The following RBFOX1 variants were observed in gnomAD, a reference collection of about 807,000 sequenced individuals.
RBFOX1 encodes RNA binding protein fox-1 homolog 1.
Under a neutral mutation model 57.7 loss-of-function variants are expected in RBFOX1, and 8 were observed. That is an observed-to-expected ratio of 0.14 (90% confidence interval 0.08 to 0.25). RBFOX1 has a LOEUF of 0.25. Among genes scored for constraint, RBFOX1 ranks in the 10% least tolerant of loss-of-function variants. The pLI, the probability that RBFOX1 is intolerant of heterozygous loss-of-function variation, is 1.00. For synonymous variants in RBFOX1, 326 were observed against 222.4 expected (o/e 1.47, Z -4.15); for missense variants, 611 against 548.5 (o/e 1.11, Z -1.14).
chr16:6,509,284 A>G (rs2096196080), intron 2 of RBFOX1, among the ~76,000 whole-genome samples: 1 of 152,170 alleles, frequency 6.6e-6, no homozygotes. Context: ...TATTCTGGTT[A>G]TTAATCCCTT....
intron 2 of RBFOX1, among the ~76,000 whole-genome samples, chr16:6,652,262 A>T (rs1215850477): frequency 6.6e-6 from 1 of 152,162 alleles, no homozygotes; most frequent in Non-Finnish European, 1.5e-5. Context: ...CATCCTGGCC[A>T]ATATGGTGAA....
chr16:7,536,190 C>T (rs1261670118), intron 5 of RBFOX1, among the ~76,000 whole-genome samples: 2 of 152,172 alleles, frequency 1.3e-5, no homozygotes. Context: ...ATTACATTTG[C>T]AAAAACTTCT....
intron 2 of RBFOX1, among the ~76,000 whole-genome samples, chr16:6,420,151 G>A (rs1393189905): frequency 2.0e-5 from 3 of 152,106 alleles, no homozygotes; most frequent in African/African-American, 7.2e-5. Context: ...TGTCTTGCCT[G>A]CTTCAACTCT....
chr16:7,311,174 T>C (rs1381534604), intron 4 of RBFOX1, among the ~76,000 whole-genome samples: 4 of 152,182 alleles, frequency 2.6e-5, no homozygotes, highest in African/African-American at 9.7e-5. Context: ...TTTGAGATGA[T>C]GGAGCTGGGA....
At chr16:7,561,312 T>C (rs1369576801) in intron 5 of RBFOX1, among the ~76,000 whole-genome samples, 1 of 152,198 alleles carries the variant, frequency 6.6e-6, no homozygotes, top group African/African-American at 2.4e-5. Flanking sequence ...TGCCCAACTA[T>C]TCACTCTATG....
intron 3 of RBFOX1, among the ~76,000 whole-genome samples, chr16:6,801,737 T>G (rs1212812392): frequency 1.3e-5 from 2 of 152,070 alleles, no homozygotes; most frequent in Non-Finnish European, 2.9e-5. Context: ...GAGTTTTTAT[T>G]TCTGTAACCA....
intron 1 of RBFOX1, among the ~76,000 whole-genome samples, chr16:6,231,991 T>C (rs751713931): frequency 3.9e-5 from 6 of 152,196 alleles, no homozygotes; most frequent in Non-Finnish European, 8.8e-5. Flanking sequence ...GGATTTGTAC[T>C]TCCCTCGTTT....
At chr16:7,340,021 C>G (rs959940115) in intron 4 of RBFOX1, among the ~76,000 whole-genome samples, 6 of 152,184 alleles carry the variant, frequency 3.9e-5, no homozygotes, top group African/African-American at 9.7e-5. Flanking sequence ...ACTATTCCAG[C>G]AAGAATTCCA....
Position 6,009,816 on chromosome 16 carries a change from C to CTGTGTGTGTGTGTGTGTGTGTGTG in RBFOX1, c.351+142500_351+142501insGTGTGTGTGTGTGTGTGTGTGTGT, listed in dbSNP as rs148472437. Among the ~76,000 whole-genome samples the CTGTGTGTGTGTGTGTGTGTGTGTG allele has an allele frequency of 6.8e-3, 1,011 of 148,512 alleles. 17 individuals are homozygous for CTGTGTGTGTGTGTGTGTGTGTGTG. Among genetic ancestry groups the CTGTGTGTGTGTGTGTGTGTGTGTG allele is most frequent in the African/African-American group, 0.023 (912 of 39,858 alleles). ...GCAGTGTGTGTATGTGTGTGTGTGT[C>CTGTGTGTGTGTGTGTGTGTGTGTG]TGTGTGTGTGTGTGTGTGTATAGGG... On this transcript the variant is annotated intron_variant, in intron 4 of 19. Transcript: ENST00000641259.
intron 2 of RBFOX1, among the ~76,000 whole-genome samples, chr16:5,596,897 A>G (rs373628230): frequency 3.9e-5 from 6 of 152,184 alleles, no homozygotes; most frequent in African/African-American, 7.2e-5. Flanking sequence ...GTTCACTTCA[A>G]TAAGCTGGAG....
rs532186310 is a variant in RBFOX1, at chr16:6,863,152, A to G, written c.-15-188905A>G. ...AAGAGAAATTAATAAGCAGGGGATC[A>G]AAAGTCTAGGTGAAAAAACAGGAGG... On this transcript the variant is annotated intron_variant, in intron 3 of 15. Transcript: ENST00000550418. Among the ~76,000 whole-genome samples the G allele has an allele frequency of 2.6e-4, 40 of 152,240 alleles. 1 individual carries two copies. In the South Asian group the frequency reaches 6.0e-3, roughly 23 times the overall value.
At chr16:5,298,452 CTCCTT>C in intron 1 of RBFOX1, among the ~76,000 whole-genome samples, 1 of 97,046 alleles carries the variant, frequency 1.0e-5, no homozygotes, top group Non-Finnish European at 2.0e-5. Flanking sequence ...CTCCCCTCCC[CTCCTT>C]TCCCCTCCCT....
At chr16:6,928,839 C>T (rs2076059159) in intron 3 of RBFOX1, among the ~76,000 whole-genome samples, 1 of 152,132 alleles carries the variant, frequency 6.6e-6, no homozygotes, top group Non-Finnish European at 1.5e-5. Flanking sequence ...ACAAAAAAAT[C>T]AGCCAGTTAA....
At chr16:7,436,052 C>T (rs368071188) in intron 4 of RBFOX1, among the ~76,000 whole-genome samples, 65 of 152,240 alleles carry the variant, frequency 4.3e-4, no homozygotes, top group Non-Finnish European at 7.1e-4. Flanking sequence ...CCCTGAACAT[C>T]GTGAGAATTT....
At chr16:6,831,064 A>G (rs1016379232) in intron 3 of RBFOX1, among the ~76,000 whole-genome samples, 1 of 152,210 alleles carries the variant, frequency 6.6e-6, no homozygotes, top group Non-Finnish European at 1.5e-5. Context: ...AATCAAATGT[A>G]CCTCAACCTC....
At chr16:6,281,515 G>A (rs1463550878) in intron 1 of RBFOX1, among the ~76,000 whole-genome samples, 1 of 152,056 alleles carries the variant, frequency 6.6e-6, no homozygotes, top group African/African-American at 2.4e-5. Context: ...GGGCCCCAAA[G>A]TGCTTTGTTC....
At chr16:6,381,329 C>T (rs2091792726) in intron 2 of RBFOX1, among the ~76,000 whole-genome samples, 1 of 152,104 alleles carries the variant, frequency 6.6e-6, no homozygotes, top group African/African-American at 2.4e-5. Flanking sequence ...CACCTCCCTC[C>T]CACCCTTCCA....
chr16:7,709,698 G>A lies in RBFOX1; in HGVS notation c.1071+567G>A, dbSNP rs1331947652. 8 of 1,183,262 alleles carry A rather than the reference G, an allele frequency of 6.8e-6. No homozygotes were observed. The Admixed American group carries it at 2.6e-4, about 39-fold the overall frequency. 73.3% of individuals were successfully genotyped at this position (1,183,262 alleles called of 1,614,324 possible). On this transcript the variant is annotated intron_variant, in intron 15 of 15. Transcript: ENST00000550418. ...CATAAGAAAGTAGAAGGAATCAGCTGGGTTTGGGGGTTGCCTTTTGTTTTG... is the reference window on the plus strand; with the variant it reads ...CATAAGAAAGTAGAAGGAATCAGCTAGGTTTGGGGGTTGCCTTTTGTTTTG...
chr16:5,902,454 C>A (rs532331277), intron 4 of RBFOX1, among the ~76,000 whole-genome samples: 1 of 152,192 alleles, frequency 6.6e-6, no homozygotes, highest in South Asian at 2.1e-4. Flanking sequence ...TGCTCTGACA[C>A]CCAGACTGGA....
Sources: allele counts gnomAD v4.1 joint callset (sites outside exome capture counted in the v4.1 genomes callset), GRCh38; gene constraint gnomAD v4.1.1; transcripts MANE v1.5; gene names NCBI Gene and HGNC (gene_info 2026-07-23, HGNC 2026-07-21).